SCN7A: variants seen among roughly 807,000 people sequenced by gnomAD.
The protein encoded by SCN7A is sodium voltage-gated channel alpha subunit 7.
In SCN7A, 138 loss-of-function variants were observed where a neutral mutation model predicts 155.2. That is an observed-to-expected ratio of 0.89 (90% confidence interval 0.77 to 1.02). The LOEUF (loss-of-function observed/expected upper bound fraction) is 1.02. Ranked by LOEUF, SCN7A falls within the 50% of genes least tolerant of loss-of-function variation. The pLI is 0.00. For missense variants in SCN7A, 2,058 were observed against 1,986.6 expected, an observed-to-expected ratio of 1.04 and a Z score of -0.68; for synonymous variants, 693 against 649.0, an observed-to-expected ratio of 1.07 and a Z score of -1.03.
chr2:166,414,088 A>AT lies in SCN7A; in HGVS notation c.3415-968_3415-967insA, dbSNP rs1559087990. Among the ~76,000 whole-genome samples, 3 of 82,308 alleles carry AT rather than the reference A, an allele frequency of 3.6e-5. 1 individual carries two copies. The highest frequency in any genetic ancestry group is 4.4e-5 in the Non-Finnish European group (2 of 45,726). 54.0% of individuals were successfully genotyped at this position (82,308 alleles called of 152,430 possible). On this transcript the variant is annotated intron_variant, in intron 21 of 25. Coordinates refer to ENST00000643258, the MANE Select transcript of SCN7A (RefSeq NM_002976.4). ...TATATTATATATGTAAATATATGTAAATATATATAATATATTATATATAAA... is the reference window on the plus strand; with the variant it reads ...TATATTATATATGTAAATATATGTAATATATATATAATATATTATATATAAA...
rs148436141 is a variant in SCN7A, at chr2:166,442,986, A to G, written c.1800+517T>C. Among the ~76,000 whole-genome samples, 597 of 152,318 alleles carry G rather than the reference A, an allele frequency of 3.9e-3. 4 individuals carry two copies. The highest frequency in any genetic ancestry group is 6.3e-3 in the Admixed American group (96 of 15,300). On this transcript the variant is annotated intron_variant, in intron 14 of 25. Transcript: ENST00000643258. ...ACCAGAATGTGACCATGTATAACTT[A>G]TCTAAAGCATATCATTTCAATAAAC...
chr2:166,423,667 A>C (rs999021206), intron 18 of SCN7A, among the ~76,000 whole-genome samples: 1 of 152,046 alleles, frequency 6.6e-6, no homozygotes, highest in Non-Finnish European at 1.5e-5. Context: ...ACTAGTTCTT[A>C]TATAGGCTGA....
chr2:166,490,545 T>C (rs929161016), intron 1 of SCN7A, among the ~76,000 whole-genome samples: 3 of 152,172 alleles, frequency 2.0e-5, no homozygotes, highest in Admixed American at 1.3e-4. Flanking sequence ...CATCAACATA[T>C]GAATAGATAA....
intron 10 of SCN7A, 77 bp from the exon 11 acceptor site, chr2:166,457,153 G>T: frequency 9.3e-7 from 1 of 1,071,538 alleles, no homozygotes; most frequent in Non-Finnish European, 1.3e-6. Context: ...TAAAATAAAA[G>T]GCAAAATTTT....
chr2:166,409,738 G>A lies in SCN7A; in HGVS notation c.3909C>T (p.Ile1303=), dbSNP rs945835608. 7.1e-6 allele frequency: 11 copies of A among 1,550,726 alleles called. No individual in the cohort carries two copies. In the East Asian group the frequency reaches 9.6e-5, roughly 14 times the overall value. The change falls in exon 25 of 26, where the codon ATC becomes ATT. Residue 1303 remains isoleucine, a synonymous_variant. Transcript: ENST00000643258. ...LYTMECILKL[I]AFRCFYFTIA... ...TGGTGAAATAAAAACAACGGAAAGCGATGAGCTTCAGTATACATTCCATAG... is the reference window on the plus strand; with the variant it reads ...TGGTGAAATAAAAACAACGGAAAGCAATGAGCTTCAGTATACATTCCATAG...
In SCN7A at chr2:166,406,418, T is replaced by C. The variant is rs1701075484; in HGVS notation, c.4211A>G (p.Tyr1404Cys). 4 of 1,612,890 alleles carry C rather than the reference T, an allele frequency of 2.5e-6. No homozygotes were observed. In the African/African-American group the frequency reaches 4.0e-5, roughly 16 times the overall value. Residue 1404 changes from tyrosine (Y) to cysteine (C), a missense_variant, in exon 26 of 26, where the codon TAT (tyrosine) becomes TGT (cysteine). Physicochemically the swap from Tyr to Cys is radical, Grantham distance 194. Transcript: ENST00000643258. ...ATTAATTCCAGCTTCTTTTTTAACATAGGCAAAATTATACATTCCAAATAC... is the reference window on the plus strand; with the variant it reads ...ATTAATTCCAGCTTCTTTTTTAACACAGGCAAAATTATACATTCCAAATAC... ...YAVFGMYNFAYVKKEAGINDV... is the reference protein window; with the variant it reads ...YAVFGMYNFACVKKEAGINDV...
At chr2:166,467,667 A>C (rs987788418) in intron 7 of SCN7A, among the ~76,000 whole-genome samples, 22 of 151,736 alleles carry the variant, frequency 1.4e-4, no homozygotes, top group African/African-American at 4.8e-4. Context: ...TATACTAATT[A>C]TATTTTGTTA....
chr2:166,443,541 T>A lies in SCN7A; in HGVS notation c.1762A>T (p.Asn588Tyr). Residue 588 changes from asparagine to tyrosine, a missense_variant, in exon 14 of 26, where the codon AAT becomes TAT. Physicochemically the swap from Asn to Tyr is moderately radical, Grantham distance 143. Transcript: ENST00000643258. ...CGAAGAAGAGCCATTCCTGCAACAT[T>A]TGCTAGACAAAGTTCTATTAAACCA... The part of the protein sequence containing the change: ...FHGLIELCLA[N>Y]VAGMALLRLF... The A allele has an allele frequency of 6.3e-7, 1 of 1,595,910 alleles. No homozygotes were observed.
chr2:166,421,631 T>G (rs1350617745), intron 19 of SCN7A, among the ~76,000 whole-genome samples: 1 of 151,980 alleles, frequency 6.6e-6, no homozygotes. Context: ...AGAATCAGTT[T>G]CATAATTACT....
chr2:166,439,055 G>GTGTATATA (rs375208870), intron 15 of SCN7A, among the ~76,000 whole-genome samples: 13,094 of 112,978 alleles, frequency 0.12, 887 homozygotes, highest in Non-Finnish European at 0.14. Context: ...GTGTGTGTGT[G>GTGTATATA]TATATATATA....
rs1164871204 is a variant in SCN7A, at chr2:166,410,002, T to G, written c.3712-67A>C. ...ATACATATACATATATATGGTCTTTTATACACTACAACTTTCTTCCCAAAA... is the reference window on the plus strand; with the variant it reads ...ATACATATACATATATATGGTCTTTGATACACTACAACTTTCTTCCCAAAA... On this transcript the variant is annotated intron_variant, in intron 24 of 25. Transcript: ENST00000643258. 3.6e-6 allele frequency: 5 copies of G among 1,370,212 alleles called. No individual in the cohort carries two copies. In the East Asian group the frequency reaches 1.3e-4, roughly 34 times the overall value. 84.9% of individuals were successfully genotyped at this position (1,370,212 alleles called of 1,614,324 possible).
At chr2:166,451,270 G>T (rs1357196749) in intron 11 of SCN7A, among the ~76,000 whole-genome samples, 10 of 152,068 alleles carry the variant, frequency 6.6e-5, no homozygotes, top group Non-Finnish European at 1.3e-4. Flanking sequence ...ATAAACCACA[G>T]GTCTGTCTAG....
intron 10 of SCN7A, among the ~76,000 whole-genome samples, chr2:166,458,635 A>G (rs1702337637): frequency 6.6e-6 from 1 of 152,134 alleles, no homozygotes; most frequent in African/African-American, 2.4e-5. Context: ...GGTTTTTTAT[A>G]CTATGTTTTT....
intron 7 of SCN7A, among the ~76,000 whole-genome samples, chr2:166,468,972 C>CATTTTACAAATTATAACATTATAACAT (rs1275565850): frequency 2.0e-5 from 3 of 151,114 alleles, no homozygotes; most frequent in Non-Finnish European, 4.4e-5. Context: ...ACATTTATAA[C>CATTTTACAAATTATAACATTATAACAT]ATTTTACAAT....
At chr2:166,456,304 T>A (rs1702273064) in intron 11 of SCN7A, among the ~76,000 whole-genome samples, 2 of 152,018 alleles carry the variant, frequency 1.3e-5, no homozygotes. Context: ...TGTATACCTA[T>A]GTAACAAACC....
chr2:166,477,053 T>C (rs868458940), intron 3 of SCN7A, among the ~76,000 whole-genome samples: 2 of 152,018 alleles, frequency 1.3e-5, no homozygotes, highest in African/African-American at 4.8e-5. Context: ...ATAAATAACA[T>C]ACGGGTTGTA....
intron 15 of SCN7A, among the ~76,000 whole-genome samples, chr2:166,435,613 T>C (rs909343804): frequency 6.6e-5 from 10 of 151,454 alleles, no homozygotes; most frequent in Non-Finnish European, 1.5e-5. Context: ...AATCAACAAA[T>C]AAACAGGTAT....
chr2:166,467,931 G>A (rs1278277626), intron 7 of SCN7A, among the ~76,000 whole-genome samples: 1 of 151,244 alleles, frequency 6.6e-6, no homozygotes, highest in Non-Finnish European at 1.5e-5. Context: ...ATTATTCACT[G>A]TGTTTCTTTT....
intron 7 of SCN7A, 121 bp downstream of exon 7, chr2:166,470,494 A>G: frequency 1.3e-6 from 1 of 780,152 alleles, no homozygotes; most frequent in South Asian, 2.4e-5. Context: ...CAGATAACTC[A>G]CTGGTTTCAA....
Sources: gnomAD v4.1 joint callset for allele counts (sites outside exome capture counted in the v4.1 genomes callset) on GRCh38, gnomAD v4.1.1 for gene constraint, MANE v1.5 for transcripts, NCBI Gene and HGNC (gene_info 2026-07-23, HGNC 2026-07-21) for gene names.